The following CAMK1D variants were observed in gnomAD, a reference collection of about 807,000 sequenced individuals.
The protein encoded by CAMK1D is calcium/calmodulin-dependent protein kinase type 1D.
In CAMK1D, 9 loss-of-function variants were observed where a neutral mutation model predicts 47.7. The observed-to-expected ratio is 0.19, with a 90% CI of 0.11 to 0.33. The LOEUF is 0.33. Ranked by LOEUF, CAMK1D falls within the 10% of genes least tolerant of loss-of-function variation. The pLI is 1.00. For synonymous variants in CAMK1D, 184 were observed against 184.9 expected, an observed-to-expected ratio of 0.99 and a Z score of 0.04; for missense variants, 291 against 488.7, an observed-to-expected ratio of 0.60 and a Z score of 3.81.
At chr10:12,694,391 TTA>T (rs1357683001) in intron 3 of CAMK1D, among the ~76,000 whole-genome samples, 1 of 98,664 alleles carries the variant, frequency 1.0e-5, no homozygotes, top group East Asian at 3.3e-4. Flanking sequence ...AATATATATG[TTA>T]TATATCATAT....
In CAMK1D at chr10:12,401,141, A is replaced by G. The variant is rs1394479965; in HGVS notation, c.92+51231A>G. On this transcript the variant is annotated intron_variant, in intron 1 of 10. Transcript: ENST00000619168. The stretch of plus-strand genomic sequence containing the variant: ...ATAATATATGTATTATATATATTAT[A>G]TATATATTTTATATATATATAATAT... Among the ~76,000 whole-genome samples, 88 of 67,480 alleles carry G rather than the reference A, an allele frequency of 1.3e-3. 2 individuals carry two copies. Among genetic ancestry groups the G allele is most frequent in the Non-Finnish European group, 2.1e-3 (78 of 37,896 alleles). The allele number at this position is 67,480 out of a possible 152,430, so 44.3% of individuals were successfully genotyped here.
rs540067329 is a variant in CAMK1D at position 12,828,307 on chromosome 10, T to G, written c.1040-462T>G. 2.0e-5 allele frequency among the ~76,000 whole-genome samples: 3 copies of G among 152,236 alleles called. No individual in the cohort carries two copies. In the East Asian group the frequency reaches 5.8e-4, roughly 29 times the overall value. On this transcript the variant is annotated intron_variant, in intron 10 of 10. Coordinates refer to ENST00000619168, the MANE Select transcript of CAMK1D (RefSeq NM_153498.4). The stretch of plus-strand genomic sequence containing the variant: ...GCATTTTGAACCCATTGCAAAGGCT[T>G]TCCCACAGGTAGGTAAAAATAGTCA...
intron 6 of CAMK1D, among the ~76,000 whole-genome samples, chr10:12,813,586 G>A (rs1015972400): frequency 6.6e-6 from 1 of 152,132 alleles, no homozygotes; most frequent in Admixed American, 6.6e-5. Flanking sequence ...TGTGCAGAGA[G>A]TTAAGGGGGA....
rs552670201 is a variant in CAMK1D at position 12,349,636 on chromosome 10, G to A, written c.-183G>A. 33 of 157,228 alleles carry A rather than the reference G, an allele frequency of 2.1e-4. 2 individuals are homozygous for A. In the South Asian group the frequency reaches 6.1e-3, roughly 29 times the overall value. 9.7% of individuals were successfully genotyped at this position (157,228 alleles called of 1,614,324 possible). A position where few individuals can be genotyped will look rare whatever the true frequency, so the allele number is the denominator to read the frequency against. Reference sequence around the variant, plus strand: ...CTGTGCCCGAGAACAGCAGAAATAAGAGCCAGGGAGGGACCGCGGCCGCGG... The same window carrying A: ...CTGTGCCCGAGAACAGCAGAAATAAAAGCCAGGGAGGGACCGCGGCCGCGG... On this transcript the variant is annotated 5_prime_UTR_variant, in exon 1 of 11. Transcript: ENST00000619168.
At chr10:12,595,429 G>T (rs2132373510) in intron 2 of CAMK1D, among the ~76,000 whole-genome samples, 1 of 149,350 alleles carries the variant, frequency 6.7e-6, no homozygotes, top group South Asian at 2.1e-4. Flanking sequence ...TCAGAATGTG[G>T]GCAGTCACTA....
intron 2 of CAMK1D, among the ~76,000 whole-genome samples, chr10:12,571,320 G>A (rs1244730883): frequency 1.3e-5 from 2 of 151,798 alleles, no homozygotes; most frequent in African/African-American, 2.4e-5. Flanking sequence ...ATGGTGGCGC[G>A]TGCCTGTAAT....
intron 3 of CAMK1D, among the ~76,000 whole-genome samples, chr10:12,730,345 G>A (rs1176497994): frequency 6.6e-6 from 1 of 152,182 alleles, no homozygotes; most frequent in African/African-American, 2.4e-5. Context: ...AGTTGCCCAT[G>A]ACTAAGATGG....
intron 1 of CAMK1D, among the ~76,000 whole-genome samples, chr10:12,428,483 A>G (rs956767710): frequency 1.3e-5 from 2 of 152,046 alleles, no homozygotes; most frequent in African/African-American, 4.8e-5. Flanking sequence ...TCTCTCTGCT[A>G]ATACCACCTT....
intron 5 of CAMK1D, among the ~76,000 whole-genome samples, chr10:12,784,300 C>T (rs775765964): frequency 1.3e-5 from 2 of 150,152 alleles, no homozygotes; most frequent in East Asian, 1.9e-4. Flanking sequence ...CAGGTTCAAG[C>T]GATTCTCTTG....
chr10:12,771,055 G>A (rs951320819), intron 5 of CAMK1D, among the ~76,000 whole-genome samples: 1 of 151,924 alleles, frequency 6.6e-6, no homozygotes, highest in South Asian at 2.1e-4. Flanking sequence ...TCAGCCTCCC[G>A]AGTACCTGGG....
intron 2 of CAMK1D, among the ~76,000 whole-genome samples, chr10:12,665,434 A>G (rs1201005043): frequency 6.6e-6 from 1 of 152,250 alleles, no homozygotes; most frequent in Non-Finnish European, 1.5e-5. Flanking sequence ...TAGCGGCAAC[A>G]GCCTTTCAAT....
intron 3 of CAMK1D, among the ~76,000 whole-genome samples, chr10:12,700,198 G>C (rs1442847364): frequency 4.6e-5 from 7 of 152,098 alleles, no homozygotes; most frequent in Non-Finnish European, 1.0e-4. Flanking sequence ...TTCTCATGCT[G>C]CTAATAAAGA....
intron 2 of CAMK1D, among the ~76,000 whole-genome samples, chr10:12,576,898 A>G (rs763586189): frequency 2.6e-5 from 4 of 152,144 alleles, no homozygotes; most frequent in South Asian, 4.1e-4. Flanking sequence ...CATGCCGTCT[A>G]TCTCAGAATG....
chr10:12,704,599 C>G (rs1324037275), intron 3 of CAMK1D, among the ~76,000 whole-genome samples: 1 of 151,802 alleles, frequency 6.6e-6, no homozygotes, highest in African/African-American at 2.4e-5. Context: ...AATGATTCAT[C>G]AAGTTTTGAA....
At chr10:12,771,095 A>G (rs909550855) in intron 5 of CAMK1D, among the ~76,000 whole-genome samples, 1 of 151,908 alleles carries the variant, frequency 6.6e-6, no homozygotes, top group Admixed American at 6.6e-5. Flanking sequence ...ATGTCAGGCT[A>G]ATTTTTGTAT....
chr10:12,804,079 G>C (rs1170022309), intron 6 of CAMK1D, among the ~76,000 whole-genome samples: 1 of 152,156 alleles, frequency 6.6e-6, no homozygotes, highest in Admixed American at 6.5e-5. Context: ...GTTCATTCCA[G>C]TCTGCCTTGA....
chr10:12,743,642 C>T lies in CAMK1D; in HGVS notation c.300-17306C>T, dbSNP rs149233887. Among the ~76,000 whole-genome samples the T allele has an allele frequency of 4.5e-3, 684 of 152,334 alleles. 7 individuals carry two copies. The highest frequency in any genetic ancestry group is 0.015 in the African/African-American group (639 of 41,584). On this transcript the variant is annotated intron_variant, in intron 3 of 10. Transcript: ENST00000619168. ...CAGAACATTCCTACCACCCCCAAAA[C>T]GACCTCTAAACTCACTAGCAGTCAC...
intron 10 of CAMK1D, among the ~76,000 whole-genome samples, chr10:12,827,909 G>T (rs181112558): frequency 6.6e-6 from 1 of 152,172 alleles, no homozygotes; most frequent in Non-Finnish European, 1.5e-5. Context: ...GAACTCCTGA[G>T]ACTCAAGCGA....
At chr10:12,762,918 G>A (rs1262944319) in intron 4 of CAMK1D, among the ~76,000 whole-genome samples, 1 of 152,182 alleles carries the variant, frequency 6.6e-6, no homozygotes. Flanking sequence ...CTCTGAACAC[G>A]TTCGTGTGGT....
Sources: gnomAD v4.1 joint callset for allele counts (sites outside exome capture counted in the v4.1 genomes callset) on GRCh38, gnomAD v4.1.1 for gene constraint, MANE v1.5 for transcripts, NCBI Gene and HGNC (gene_info 2026-07-23, HGNC 2026-07-21) for gene names.